Variants in CDH12 observed in about 807,000 individuals in gnomAD.
CDH12 encodes the protein cadherin-12.
A neutral mutation model predicts 74.1 loss-of-function variants in CDH12; 41 were observed. The observed-to-expected ratio is 0.55, with a 90% CI of 0.43 to 0.72. The LOEUF (loss-of-function observed/expected upper bound fraction) is 0.72, where lower values mean the gene tolerates loss of function less well. Among genes scored for constraint, CDH12 ranks in the 30% least tolerant of loss-of-function variants. The probability of loss-of-function intolerance (pLI) is 0.00; values close to 1 mark genes in which losing one functional copy is unlikely to be tolerated. For missense variants in CDH12, 945 were observed against 977.2 expected, an observed-to-expected ratio of 0.97 and a Z score of 0.44; for synonymous variants, 399 against 355.0, an observed-to-expected ratio of 1.12 and a Z score of -1.39.
chr5:21,869,365 G>T (rs1340440713), intron 6 of CDH12, among the ~76,000 whole-genome samples: 1 of 152,134 alleles, frequency 6.6e-6, no homozygotes, highest in Non-Finnish European at 1.5e-5. Flanking sequence ...ATGTACTTGT[G>T]GAAGGCAAAG....
intron 3 of CDH12, among the ~76,000 whole-genome samples, chr5:22,388,695 A>C (rs1460620821): frequency 6.6e-6 from 1 of 152,222 alleles, no homozygotes; most frequent in African/African-American, 2.4e-5. Context: ...TATTAAAATC[A>C]CAGCAGCTTT....
chr5:22,355,188 A>T (rs1046568558), intron 3 of CDH12, among the ~76,000 whole-genome samples: 1 of 152,106 alleles, frequency 6.6e-6, no homozygotes, highest in African/African-American at 2.4e-5. Context: ...TTACTAAACA[A>T]ATTTGCTCTT....
intron 4 of CDH12, among the ~76,000 whole-genome samples, chr5:22,187,194 A>G (rs540444717): frequency 6.6e-6 from 1 of 152,184 alleles, no homozygotes; most frequent in Non-Finnish European, 1.5e-5. Context: ...GTAATAGACC[A>G]GTCTCTGGCA....
intron 1 of CDH12, among the ~76,000 whole-genome samples, chr5:22,782,073 TTTTTGATA>T (rs546704064): frequency 6.6e-4 from 100 of 152,254 alleles, no homozygotes; most frequent in African/African-American, 2.2e-3. Context: ...AACTAACTTG[TTTTTGATA>T]TTACAGGCTC....
intron 10 of CDH12, among the ~76,000 whole-genome samples, chr5:21,792,079 C>T (rs1746529965): frequency 6.6e-6 from 1 of 151,900 alleles, no homozygotes; most frequent in Admixed American, 6.6e-5. Flanking sequence ...ACTGTCTTTA[C>T]TCTTATCTCT....
At chr5:22,171,500 A>T (rs1316371573) in intron 4 of CDH12, among the ~76,000 whole-genome samples, 7 of 151,962 alleles carry the variant, frequency 4.6e-5, no homozygotes, top group African/African-American at 1.7e-4. Flanking sequence ...TTTCCAAATG[A>T]GCTAAGCAAA....
chr5:22,034,756 C>T (rs1038620029), intron 5 of CDH12, among the ~76,000 whole-genome samples: 9 of 151,850 alleles, frequency 5.9e-5, no homozygotes, highest in East Asian at 1.9e-4. Context: ...TGCCAATTAT[C>T]GAAATAATGA....
chr5:22,086,488 C>T (rs1435965785), intron 4 of CDH12, among the ~76,000 whole-genome samples: 3 of 151,976 alleles, frequency 2.0e-5, no homozygotes, highest in Admixed American at 6.6e-5. Context: ...GGATTACAGG[C>T]ACGTGCCAAC....
chr5:22,141,104 T>A (rs1195037439), intron 4 of CDH12: 1 of 152,200 alleles, frequency 6.6e-6, no homozygotes, highest in Non-Finnish European at 1.5e-5. Flanking sequence ...TATTAAACTA[T>A]GGTATCCATA....
chr5:22,534,413 A>G lies in CDH12; in HGVS notation c.-522-29049T>C, dbSNP rs564892775. ...GTTATTCTTATGGCTTTGCATCCTC[A>G]TAGCTTAGCTCCCACTTATGAGTGA... is the stretch of plus-strand genomic sequence containing the variant. On this transcript the variant is annotated intron_variant, in intron 1 of 14. Transcript: ENST00000382254. Among the ~76,000 whole-genome samples, 4 of 152,266 alleles carry G rather than the reference A, an allele frequency of 2.6e-5. No individual in the cohort carries two copies. The South Asian group carries it at 8.3e-4, about 32-fold the overall frequency.
chr5:22,512,239 A>T (rs186233772), intron 1 of CDH12, among the ~76,000 whole-genome samples: 2 of 152,190 alleles, frequency 1.3e-5, no homozygotes, highest in Non-Finnish European at 2.9e-5. Context: ...TTACAAAGTG[A>T]TAAGAGTAGA....
rs961667710 is a variant in CDH12, at chr5:22,692,515, G to GA, written c.-523+160542dup. 5.4e-4 allele frequency among the ~76,000 whole-genome samples: 80 copies of GA among 147,436 alleles called. 1 individual carries two copies. The highest frequency in any genetic ancestry group is 3.4e-3 in the Middle Eastern group (1 of 292). ...GTTAGGTGCAATATATTAAAGAGGG[G>GA]AAAAAAAAAAGGAATGCAGATCAAA... On this transcript the variant is annotated intron_variant, in intron 1 of 14. Coordinates refer to ENST00000382254, the MANE Select transcript of CDH12 (RefSeq NM_004061.5).
chr5:21,862,630 T>C (rs901529589), intron 6 of CDH12, among the ~76,000 whole-genome samples: 5 of 152,186 alleles, frequency 3.3e-5, no homozygotes, highest in African/African-American at 1.2e-4. Context: ...ATATAAAAAG[T>C]ATGTTACATA....
chr5:22,850,190 T>C (rs1230022840), intron 1 of CDH12, among the ~76,000 whole-genome samples: 1 of 152,114 alleles, frequency 6.6e-6, no homozygotes, highest in African/African-American at 2.4e-5. Flanking sequence ...AATCATCTTA[T>C]GATGAGATGC....
At chr5:22,526,041 C>A (rs1015068125) in intron 1 of CDH12, among the ~76,000 whole-genome samples, 1 of 152,120 alleles carries the variant, frequency 6.6e-6, no homozygotes, top group Non-Finnish European at 1.5e-5. Context: ...TAGTGGCCTG[C>A]ATAAATCTTT....
intron 1 of CDH12, among the ~76,000 whole-genome samples, chr5:22,562,355 T>A (rs1000091231): frequency 2.0e-5 from 3 of 151,800 alleles, no homozygotes; most frequent in Non-Finnish European, 2.9e-5. Context: ...AAAAAAAACA[T>A]ACATAGAGAT....
chr5:22,234,856 A>C (rs564129611), intron 3 of CDH12, among the ~76,000 whole-genome samples: 1 of 152,212 alleles, frequency 6.6e-6, no homozygotes, highest in South Asian at 2.1e-4. Context: ...AAATACAAAC[A>C]ACTTAGAATA....
rs569122181 is a variant in CDH12, at chr5:22,212,568, C to A, written c.-257G>T. 43 of 985,212 alleles carry A rather than the reference C, an allele frequency of 4.4e-5. No homozygotes were observed. In the South Asian group the frequency reaches 1.6e-3, roughly 38 times the overall value. 61.0% of individuals were successfully genotyped at this position (985,212 alleles called of 1,614,324 possible). ...TCAACCGTGAATGGGGTGGGGAGAT[C>A]GAAGTTTTCAATCAACACCCTCCAA... On this transcript the variant is annotated 5_prime_UTR_variant, in exon 4 of 15. Coordinates refer to ENST00000382254, the MANE Select transcript of CDH12 (RefSeq NM_004061.5).
intron 1 of CDH12, among the ~76,000 whole-genome samples, chr5:22,809,817 G>C (rs1056876786): frequency 1.3e-5 from 2 of 151,944 alleles, no homozygotes; most frequent in African/African-American, 4.8e-5. Flanking sequence ...TAGAGTAAGA[G>C]GAGAAAATAT....
Sources: allele counts gnomAD v4.1 joint callset (sites outside exome capture counted in the v4.1 genomes callset), GRCh38; gene constraint gnomAD v4.1.1; transcripts MANE v1.5; gene names NCBI Gene and HGNC (gene_info 2026-07-23, HGNC 2026-07-21).